BCKDHB: variants seen among roughly 807,000 people sequenced by gnomAD.
BCKDHB encodes the protein branched chain keto acid dehydrogenase E1 subunit beta, also known as 2-oxoisovalerate dehydrogenase subunit beta, mitochondrial.
A neutral mutation model predicts 48.5 loss-of-function variants in BCKDHB; 41 were observed. The observed-to-expected ratio is 0.85, with a 90% CI of 0.66 to 1.10. BCKDHB has a LOEUF of 1.10. BCKDHB is among the 50% of genes least tolerant of loss of function. The pLI, the probability that BCKDHB is intolerant of heterozygous loss-of-function variation, is 0.00. For synonymous variants in BCKDHB, 201 were observed against 174.8 expected, an observed-to-expected ratio of 1.15 and a Z score of -1.18; for missense variants, 496 against 494.2, an observed-to-expected ratio of 1.00 and a Z score of -0.03.
chr6:80,388,773 TC>T, the BCKDHB span, among the ~76,000 whole-genome samples: 3 of 152,194 alleles, frequency 2.0e-5, no homozygotes, highest in Non-Finnish European at 4.4e-5. Context: ...CACAGATGAT[TC>T]TGCACGATAT....
At chr6:80,222,860 C>T (rs1775522357) in intron 8 of BCKDHB, among the ~76,000 whole-genome samples, 1 of 152,134 alleles carries the variant, frequency 6.6e-6, no homozygotes, top group Non-Finnish European at 1.5e-5. Context: ...ATAAGAGTGG[C>T]TACTAGGCCC....
chr6:80,378,800 T>C, the BCKDHB span, among the ~76,000 whole-genome samples: 2 of 152,140 alleles, frequency 1.3e-5, no homozygotes, highest in East Asian at 3.9e-4. Context: ...GTAACATATG[T>C]TGTTTTTTAA....
intron 9 of BCKDHB, among the ~76,000 whole-genome samples, chr6:80,276,882 A>T (rs2127969868): frequency 6.6e-6 from 1 of 152,176 alleles, no homozygotes; most frequent in South Asian, 2.1e-4. Context: ...AATAAAAAAC[A>T]GTGCATCTAA....
chr6:80,204,449 C>A (rs375411646), intron 8 of BCKDHB, among the ~76,000 whole-genome samples: 3 of 152,184 alleles, frequency 2.0e-5, no homozygotes, highest in African/African-American at 2.4e-5. Flanking sequence ...TCAAGTCAGA[C>A]ACCGGGTTTT....
At chr6:80,445,647 G>A in the BCKDHB span, among the ~76,000 whole-genome samples, 43 of 152,300 alleles carry the variant, frequency 2.8e-4, 1 homozygote, top group East Asian at 6.9e-3. Flanking sequence ...ATCATAAGAT[G>A]CAGAGACTTG....
At chr6:80,464,813 T>C in the BCKDHB span, among the ~76,000 whole-genome samples, 1 of 152,242 alleles carries the variant, frequency 6.6e-6, no homozygotes, top group African/African-American at 2.4e-5. Context: ...TAGTGCTTTA[T>C]TGGGAGTTAA....
chr6:80,165,150 A>G lies in BCKDHB; in HGVS notation c.344-2528A>G, dbSNP rs146234118. Among the ~76,000 whole-genome samples, 265 of 152,318 alleles carry G rather than the reference A, an allele frequency of 1.7e-3. 1 individual carries two copies. Among genetic ancestry groups the G allele is most frequent in the African/African-American group, 6.0e-3 (251 of 41,576 alleles). On this transcript the variant is annotated intron_variant, in intron 3 of 9. Transcript: ENST00000320393. ...ATGAACTAGCAAGGAATCAATAAGA[A>G]TGCTGCTAGTTTGGTTAAGGTGGTT...
intron 8 of BCKDHB, among the ~76,000 whole-genome samples, chr6:80,208,421 A>G (rs771157378): frequency 4.1e-4 from 62 of 151,952 alleles, no homozygotes; most frequent in Admixed American, 1.5e-3. Context: ...TTCCATCTCC[A>G]GAAAGAAAAT....
the BCKDHB span, among the ~76,000 whole-genome samples, chr6:80,416,239 G>T: frequency 6.9e-6 from 1 of 145,958 alleles, no homozygotes. Context: ...TTGATCTTTT[G>T]AATAGGTTTT....
chr6:80,456,245 G>A, the BCKDHB span, among the ~76,000 whole-genome samples: 21,913 of 150,690 alleles, frequency 0.15, 4,948 homozygotes, highest in African/African-American at 0.49. Context: ...AAAAACTACC[G>A]CCAACAAAAA....
chr6:80,134,863 G>A (rs1199644003), intron 3 of BCKDHB, among the ~76,000 whole-genome samples: 4 of 151,896 alleles, frequency 2.6e-5, no homozygotes, highest in South Asian at 4.2e-4. Flanking sequence ...AGTGATTCTT[G>A]TGCCTCAGCC....
At chr6:80,241,297 T>C (rs921670887) in intron 8 of BCKDHB, among the ~76,000 whole-genome samples, 1 of 152,306 alleles carries the variant, frequency 6.6e-6, no homozygotes, top group Middle Eastern at 3.4e-3. Flanking sequence ...CCGTTGCTGG[T>C]GAGGAGCTGC....
chr6:80,285,645 T>C (rs960034273), intron 9 of BCKDHB, among the ~76,000 whole-genome samples: 1 of 152,140 alleles, frequency 6.6e-6, no homozygotes, highest in Non-Finnish European at 1.5e-5. Context: ...GCCAGTCTTG[T>C]GAACATGTGG....
intron 9 of BCKDHB, among the ~76,000 whole-genome samples, chr6:80,280,692 T>C (rs919521866): frequency 6.6e-6 from 1 of 152,236 alleles, no homozygotes; most frequent in African/African-American, 2.4e-5. Context: ...TCTGTGATGT[T>C]TGCACAACCA....
chr6:80,223,674 G>C (rs957575669), intron 8 of BCKDHB, among the ~76,000 whole-genome samples: 1 of 152,112 alleles, frequency 6.6e-6, no homozygotes, highest in Admixed American at 6.6e-5. Context: ...AAAAGGAGGC[G>C]ATTAATCCTC....
intron 3 of BCKDHB, among the ~76,000 whole-genome samples, chr6:80,160,251 G>T (rs576487025): frequency 6.6e-6 from 1 of 152,064 alleles, no homozygotes; most frequent in South Asian, 2.1e-4. Flanking sequence ...CTGCCTCCTG[G>T]GTTCAAGCGA....
the BCKDHB span, among the ~76,000 whole-genome samples, chr6:80,367,966 C>T: frequency 6.6e-6 from 1 of 152,228 alleles, no homozygotes; most frequent in East Asian, 1.9e-4. Flanking sequence ...TAGCATTACA[C>T]TGAACTTGGA....
chr6:80,220,776 T>C (rs1265827174), intron 8 of BCKDHB, among the ~76,000 whole-genome samples: 15 of 144,348 alleles, frequency 1.0e-4, no homozygotes, highest in African/African-American at 3.6e-4. Context: ...CTCTTGTCAC[T>C]CAGGCTGGAG....
chr6:80,108,094 A>G (rs1015654432), intron 1 of BCKDHB, among the ~76,000 whole-genome samples: 1 of 152,144 alleles, frequency 6.6e-6, no homozygotes, highest in South Asian at 2.1e-4. Context: ...TTTTATTCCC[A>G]TTTTGCAGTT....
Sources: gnomAD v4.1 joint callset for allele counts (sites outside exome capture counted in the v4.1 genomes callset) on GRCh38, gnomAD v4.1.1 for gene constraint, MANE v1.5 for transcripts, NCBI Gene and HGNC (gene_info 2026-07-23, HGNC 2026-07-21) for gene names.